The following RAPGEF4 variants were observed in gnomAD, a reference collection of about 807,000 sequenced individuals.
The protein encoded by RAPGEF4 is RAP guanine-nucleotide-exchange factor (GEF) 4.
Under a neutral mutation model 147.9 loss-of-function variants are expected in RAPGEF4, and 66 were observed. The ratio of observed to expected loss-of-function variants is 0.45; its 90% CI spans 0.37 to 0.55. The LOEUF is 0.55. RAPGEF4 is among the 20% of genes least tolerant of loss of function. RAPGEF4 has a pLI of 0.00. For missense variants in RAPGEF4, 1,071 were observed against 1,257.3 expected, an observed-to-expected ratio of 0.85 and a Z score of 2.24; for synonymous variants, 419 against 442.7, an observed-to-expected ratio of 0.95 and a Z score of 0.67.
intron 4 of RAPGEF4, among the ~76,000 whole-genome samples, chr2:172,834,117 G>A (rs1435539202): frequency 1.3e-5 from 2 of 152,168 alleles, no homozygotes; most frequent in East Asian, 1.9e-4. Context: ...ATTCTATCAC[G>A]TGCTGTTTTT....
chr2:172,827,292 C>T (rs925444094), intron 4 of RAPGEF4, among the ~76,000 whole-genome samples: 8 of 152,058 alleles, frequency 5.3e-5, no homozygotes, highest in East Asian at 1.9e-4. Context: ...ATCCATCTCC[C>T]CTGAATTCCC....
chr2:172,942,832 T>G (rs139419851), intron 6 of RAPGEF4, among the ~76,000 whole-genome samples: 122 of 152,276 alleles, frequency 8.0e-4, no homozygotes, highest in African/African-American at 2.8e-3. Context: ...TAATAAAACA[T>G]GTTACTGACA....
At chr2:172,895,119 T>C (rs3769273) in intron 4 of RAPGEF4, among the ~76,000 whole-genome samples, 49,325 of 151,952 alleles carry the variant, frequency 0.32, 8,914 homozygotes, top group East Asian at 0.82. Context: ...GGCAGCAGCC[T>C]GACAGCCACT....
At chr2:172,928,680 C>T (rs1053508474) in intron 6 of RAPGEF4, among the ~76,000 whole-genome samples, 4 of 152,036 alleles carry the variant, frequency 2.6e-5, no homozygotes, top group African/African-American at 7.3e-5. Context: ...TTAATGCTGC[C>T]GCCATGCTGA....
chr2:173,026,713 A>G lies in RAPGEF4; in HGVS notation c.2379+16A>G, dbSNP rs753413632. 6.2e-7 allele frequency: 1 copy of G among 1,612,926 alleles called. No individual in the cohort carries two copies. The highest frequency in any genetic ancestry group is 8.5e-7 in the Non-Finnish European group (1 of 1,179,500). ...CGTGCATGAGGTAAGATGCAGGATC[A>G]GATGTGTTAGTAGCTGAGATAGCAA... On this transcript the variant is annotated intron_variant, in intron 24 of 30. Coordinates refer to ENST00000397081, the MANE Select transcript of RAPGEF4 (RefSeq NM_007023.4).
intron 6 of RAPGEF4, among the ~76,000 whole-genome samples, chr2:172,938,378 A>T (rs1686816601): frequency 6.6e-6 from 1 of 152,134 alleles, no homozygotes; most frequent in African/African-American, 2.4e-5. Context: ...AACAGTGAGA[A>T]ATTTGGCTTG....
chr2:173,032,139 C>T (rs1196090957), intron 26 of RAPGEF4, among the ~76,000 whole-genome samples: 1 of 152,196 alleles, frequency 6.6e-6, no homozygotes, highest in Non-Finnish European at 1.5e-5. Context: ...CTGGAGCACA[C>T]ACACTCTCTC....
intron 4 of RAPGEF4, among the ~76,000 whole-genome samples, chr2:172,860,974 T>C (rs894539245): frequency 6.6e-6 from 1 of 152,216 alleles, no homozygotes; most frequent in African/African-American, 2.4e-5. Flanking sequence ...TGAATGAGCA[T>C]TGATTGCTAG....
intron 4 of RAPGEF4, among the ~76,000 whole-genome samples, chr2:172,859,482 C>G (rs918546555): frequency 6.6e-6 from 1 of 152,202 alleles, no homozygotes. Flanking sequence ...CCTGCTTCAG[C>G]TGCTGTTTGT....
chr2:172,803,564 T>C (rs980536440), intron 3 of RAPGEF4, among the ~76,000 whole-genome samples: 1 of 148,852 alleles, frequency 6.7e-6, no homozygotes, highest in Non-Finnish European at 1.5e-5. Flanking sequence ...GGGGCCACCA[T>C]GAAGATCTCT....
intron 4 of RAPGEF4, among the ~76,000 whole-genome samples, chr2:172,842,154 C>G (rs886693313): frequency 5.3e-5 from 8 of 152,134 alleles, no homozygotes; most frequent in African/African-American, 1.9e-4. Flanking sequence ...GGTCTTTTCT[C>G]TCAAGGAGAT....
At position 172,895,788 on chromosome 2, in the gene RAPGEF4, A is replaced by G. The variant is rs77263305; in HGVS notation, c.445-22014A>G. Among the ~76,000 whole-genome samples the G allele has an allele frequency of 7.8e-3, 1,194 of 152,306 alleles. 15 individuals carry two copies. The highest frequency in any genetic ancestry group is 0.027 in the African/African-American group (1,137 of 41,556). ...GTAAAAAGAACACTTTCTCAAAACAAACAGACAGACAAACAAACCAGAATT... is the reference window on the plus strand; with the variant it reads ...GTAAAAAGAACACTTTCTCAAAACAGACAGACAGACAAACAAACCAGAATT... On this transcript the variant is annotated intron_variant, in intron 4 of 30. Transcript: ENST00000397081.
Position 173,020,709 on chromosome 2 carries a change from T to C in RAPGEF4, c.2247T>C (p.Asp749=). The change falls in exon 23 of 31, where the codon GAT becomes GAC. Residue 749 remains aspartate, a synonymous_variant. Transcript: ENST00000397081. Reference sequence around the variant, plus strand: ...TTGCTTGCCCGCGAGAGCAATTCGATTCACTGGTAGGTGTGGATGGCCTGC... The same window carrying C: ...TTGCTTGCCCGCGAGAGCAATTCGACTCACTGGTAGGTGTGGATGGCCTGC... ...RLFACPREQF[D]SLTPLPEQEG... is the part of the protein sequence containing the mutation. 2 of 1,612,996 alleles carry C rather than the reference T, an allele frequency of 1.2e-6. No homozygotes were observed. The highest frequency in any genetic ancestry group is 1.7e-6 in the Non-Finnish European group (2 of 1,179,176).
intron 27 of RAPGEF4, among the ~76,000 whole-genome samples, chr2:173,035,394 C>A (rs536382452): frequency 7.9e-5 from 12 of 151,836 alleles, no homozygotes; most frequent in African/African-American, 2.9e-4. Context: ...ACCTGTAGTC[C>A]CAGCTACTCG....
At chr2:172,969,857 A>G (rs952345848) in intron 10 of RAPGEF4, among the ~76,000 whole-genome samples, 4 of 152,172 alleles carry the variant, frequency 2.6e-5, no homozygotes, top group Non-Finnish European at 5.9e-5. Flanking sequence ...TCCATACACC[A>G]TTGAATCGCA....
At chr2:172,907,275 A>G (rs1233234454) in intron 4 of RAPGEF4, among the ~76,000 whole-genome samples, 1 of 152,232 alleles carries the variant, frequency 6.6e-6, no homozygotes, top group African/African-American at 2.4e-5. Flanking sequence ...CAATCTGGGG[A>G]CAGGCATCTG....
chr2:172,906,947 C>T (rs1178077066), intron 4 of RAPGEF4, among the ~76,000 whole-genome samples: 4 of 152,244 alleles, frequency 2.6e-5, no homozygotes, highest in African/African-American at 9.6e-5. Flanking sequence ...CCTGGGCTAC[C>T]TCTAGGCCAT....
In RAPGEF4 at chr2:172,917,833, C is replaced by T. The variant is rs1684239638; in HGVS notation, c.476C>T (p.Ala159Val). 16 of 1,613,682 alleles carry T rather than the reference C, an allele frequency of 9.9e-6. No homozygotes were observed. The highest frequency in any genetic ancestry group is 1.4e-5 in the Non-Finnish European group (16 of 1,179,738). The change falls in exon 5 of 31, where the codon GCT becomes GTT. Residue 159 changes from alanine (A) to valine (V), a missense_variant. Transcript: ENST00000397081. ...KYRQYMAGLL[A>V]PPYGVMETGS... ...CGACAGTATATGGCAGGACTTCTGG[C>T]TCCTCCTTATGGTGTTATGGAAACG...
At chr2:172,938,817 TC>T (rs35994872) in intron 6 of RAPGEF4, among the ~76,000 whole-genome samples, 1 of 152,192 alleles carries the variant, frequency 6.6e-6, no homozygotes, top group African/African-American at 2.4e-5. Flanking sequence ...CCTAAGCAAT[TC>T]CCTGTGCTTT....
Sources: allele counts gnomAD v4.1 joint callset (sites outside exome capture counted in the v4.1 genomes callset), GRCh38; gene constraint gnomAD v4.1.1; transcripts MANE v1.5; gene names NCBI Gene and HGNC (gene_info 2026-07-23, HGNC 2026-07-21).